ARHGEF12: variants seen among roughly 807,000 people sequenced by gnomAD.
ARHGEF12 encodes the protein Rho guanine nucleotide exchange factor 12, also known as KMT2A/ARHGEF12 fusion protein.
Under a neutral mutation model 211.2 loss-of-function variants are expected in ARHGEF12, and 66 were observed. The observed-to-expected ratio is 0.31, with a 90% CI of 0.26 to 0.38. ARHGEF12 has a LOEUF of 0.38. Ranked by LOEUF, ARHGEF12 falls within the 10% of genes least tolerant of loss-of-function variation. ARHGEF12 has a pLI of 1.00. For synonymous variants in ARHGEF12, 592 were observed against 638.4 expected (o/e 0.93, Z 1.09); for missense variants, 1,429 against 1,869.5 (o/e 0.76, Z 4.34).
At chr11:120,476,799 A>G (rs1172319962) in intron 34 of ARHGEF12, 51 bp downstream of exon 34, 1 of 1,398,274 alleles carries the variant, frequency 7.2e-7, no homozygotes, top group East Asian at 2.3e-5. Context: ...TCATTATCCC[A>G]AGCGTAATAT....
At chr11:120,446,316 A>G in intron 16 of ARHGEF12, 87 bp from the exon 17 acceptor site, 1 of 916,244 alleles carries the variant, frequency 1.1e-6, no homozygotes, top group South Asian at 2.4e-5. Context: ...TTCTAAGTTA[A>G]TTTGTACGAA....
At chr11:120,388,163 C>G (rs748280632) in intron 1 of ARHGEF12, among the ~76,000 whole-genome samples, 2 of 152,016 alleles carry the variant, frequency 1.3e-5, no homozygotes, top group Non-Finnish European at 2.9e-5. Context: ...TTTGAATTTT[C>G]TTGCTTTCTT....
chr11:120,424,641 G>C (rs1337704482), intron 7 of ARHGEF12, among the ~76,000 whole-genome samples: 3 of 152,190 alleles, frequency 2.0e-5, no homozygotes, highest in Non-Finnish European at 4.4e-5. Flanking sequence ...TGTGATCCTG[G>C]TTTAGCCCCT....
intron 1 of ARHGEF12, among the ~76,000 whole-genome samples, chr11:120,349,573 T>G (rs1316630782): frequency 1.3e-5 from 2 of 152,150 alleles, no homozygotes; most frequent in Non-Finnish European, 2.9e-5. Context: ...TTTGTTCTGT[T>G]ACTAGCTGGG....
chr11:120,475,641 T>G (rs1329117875), intron 33 of ARHGEF12, 134 bp downstream of exon 33: 22 of 931,496 alleles, frequency 2.4e-5, no homozygotes, highest in African/African-American at 3.4e-5. Flanking sequence ...TACATGAAAT[T>G]TACTGCTTAG....
intron 1 of ARHGEF12, among the ~76,000 whole-genome samples, chr11:120,370,623 C>T (rs989181138): frequency 6.6e-6 from 1 of 151,960 alleles, no homozygotes; most frequent in Non-Finnish European, 1.5e-5. Flanking sequence ...CTTAGAAATT[C>T]CAGATATTCC....
At chr11:120,344,506 C>T (rs867656610) in intron 1 of ARHGEF12, among the ~76,000 whole-genome samples, 10 of 152,058 alleles carry the variant, frequency 6.6e-5, no homozygotes, top group African/African-American at 2.4e-4. Flanking sequence ...TTGTGGTTTG[C>T]CCAGTACAGT....
chr11:120,359,453 G>C (rs1437009790), intron 1 of ARHGEF12, among the ~76,000 whole-genome samples: 4 of 152,074 alleles, frequency 2.6e-5, no homozygotes, highest in Non-Finnish European at 4.4e-5. Context: ...TGTTGCCTAG[G>C]CTGGCCTCAA....
At chr11:120,359,360 A>G (rs1799785205) in intron 1 of ARHGEF12, among the ~76,000 whole-genome samples, 1 of 152,084 alleles carries the variant, frequency 6.6e-6, no homozygotes, top group African/African-American at 2.4e-5. Context: ...AGTAGCTGGG[A>G]CTACAGGCAT....
Position 120,336,877 on chromosome 11 carries a change from C to T in ARHGEF12, c.-367C>T. 2.6e-6 allele frequency: 1 copy of T among 391,808 alleles called. No individual in the cohort carries two copies. Among genetic ancestry groups the T allele is most frequent in the Non-Finnish European group, 4.5e-6 (1 of 221,970 alleles). The allele number at this position is 391,808 out of a possible 1,614,324, so 24.3% of individuals were successfully genotyped here. ...AGACTCCGGAGGAGGAGCCGACACCCGTCCGTGAGCTGATCCCGCCCCAGC... is the reference window on the plus strand; with the variant it reads ...AGACTCCGGAGGAGGAGCCGACACCTGTCCGTGAGCTGATCCCGCCCCAGC... On this transcript the variant is annotated 5_prime_UTR_variant, in exon 1 of 41. Coordinates refer to ENST00000397843, the MANE Select transcript of ARHGEF12 (RefSeq NM_015313.3).
Position 120,440,234 on chromosome 11 carries a change from T to A in ARHGEF12, c.1092+13T>A. The A allele has an allele frequency of 6.3e-7, 1 of 1,592,558 alleles. No homozygotes were observed. Among genetic ancestry groups the A allele is most frequent in the Non-Finnish European group, 8.6e-7 (1 of 1,166,106 alleles). ...TGAACATGAACAGGTGATGACTTTT[T>A]TCTTTCTAAAAAATAGATTGTTACT... On this transcript the variant is annotated intron_variant, in intron 13 of 40. Coordinates refer to ENST00000397843, the MANE Select transcript of ARHGEF12 (RefSeq NM_015313.3).
At chr11:120,374,836 G>A (rs554594967) in intron 1 of ARHGEF12, among the ~76,000 whole-genome samples, 1 of 152,218 alleles carries the variant, frequency 6.6e-6, no homozygotes, top group African/African-American at 2.4e-5. Flanking sequence ...ACATATTAAT[G>A]ATTCAAATTA....
At position 120,485,209 on chromosome 11, in the gene ARHGEF12, T is replaced by A; in HGVS notation, c.*132T>A. 8.5e-7 allele frequency: 1 copy of A among 1,181,212 alleles called. No homozygotes were observed. The highest frequency in any genetic ancestry group is 1.2e-6 in the Non-Finnish European group (1 of 811,092). The allele number at this position is 1,181,212 out of a possible 1,614,324, so 73.2% of individuals were successfully genotyped here. On this transcript the variant is annotated 3_prime_UTR_variant, in exon 41 of 41. Coordinates refer to ENST00000397843, the MANE Select transcript of ARHGEF12 (RefSeq NM_015313.3). ...CTGCCTGTGAACCACCTGGGATTAG[T>A]CAAGTCCCAAGGTGCCCAGAGTGGG...
At chr11:120,443,921 T>G (rs1485046378) in intron 15 of ARHGEF12, among the ~76,000 whole-genome samples, 1 of 152,228 alleles carries the variant, frequency 6.6e-6, no homozygotes, top group African/African-American at 2.4e-5. Context: ...GCATAGGTTA[T>G]ATGCAAATAC....
rs940911673 is a variant in ARHGEF12, at chr11:120,337,494, T to C, written c.32+219T>C. On this transcript the variant is annotated intron_variant, in intron 1 of 40. Coordinates refer to ENST00000397843, the MANE Select transcript of ARHGEF12 (RefSeq NM_015313.3). The stretch of plus-strand genomic sequence containing the variant: ...CGGAGAGAAACTTCCCTTCCGATTC[T>C]CAGAGAAGGGGGAGGCAAAACCATG... The C allele has an allele frequency of 1.5e-5, 15 of 985,286 alleles. No individual in the cohort carries two copies. The African/African-American group carries it at 2.6e-4, about 17-fold the overall frequency. 61.0% of individuals were successfully genotyped at this position (985,286 alleles called of 1,614,324 possible).
At position 120,480,202 on chromosome 11, in the gene ARHGEF12, C is replaced by T; in HGVS notation, c.4009C>T (p.Pro1337Ser). The change falls in exon 38 of 41, where the codon CCA becomes TCA. Residue 1337 changes from proline to serine, a missense_variant. By Grantham distance (74) the Pro-to-Ser change is moderately conservative. This residue lies in a region of ARHGEF12 where 467 missense variants were observed against 468.4 expected (regional missense o/e 1.00). Transcript: ENST00000397843. ...SPRTSTESFA[P>S]RDSVGLAPQD... ...ACGGACTTCAACTGAATCTTTTGCT[C>T]CACGGGATTCAGTGGGACTGGCACC... 1.2e-6 allele frequency: 2 copies of T among 1,614,180 alleles called. No homozygotes were observed. Among genetic ancestry groups the T allele is most frequent in the Non-Finnish European group, 1.7e-6 (2 of 1,180,030 alleles).
intron 1 of ARHGEF12, among the ~76,000 whole-genome samples, chr11:120,371,844 T>C (rs187105879): frequency 1.2e-4 from 19 of 152,320 alleles, no homozygotes; most frequent in Non-Finnish European, 1.9e-4. Flanking sequence ...AAAAATACTG[T>C]CCACCAAGGT....
At chr11:120,392,591 A>G (rs1022217344) in intron 1 of ARHGEF12, among the ~76,000 whole-genome samples, 7 of 152,210 alleles carry the variant, frequency 4.6e-5, no homozygotes, top group Admixed American at 2.0e-4. Flanking sequence ...GGCTCACATA[A>G]AAAAGAAATC....
intron 1 of ARHGEF12, chr11:120,337,582 A>G: frequency 1.0e-6 from 1 of 985,430 alleles, no homozygotes; most frequent in Non-Finnish European, 1.2e-6. Flanking sequence ...TCAGAGGAGA[A>G]GGTCATTTTA....
Sources: allele counts gnomAD v4.1 joint callset (sites outside exome capture counted in the v4.1 genomes callset), GRCh38; gene constraint gnomAD v4.1.1; regional missense constraint gnomAD v4.1.1; transcripts MANE v1.5; gene names NCBI Gene and HGNC (gene_info 2026-07-23, HGNC 2026-07-21).